SLC2A6: variants seen among roughly 807,000 people sequenced by gnomAD.
The protein encoded by SLC2A6 is solute carrier family 2 member 6, also known as solute carrier family 2, facilitated glucose transporter member 6.
SLC2A6 carries 39 observed loss-of-function variants against 47.8 expected under a neutral mutation model. The ratio of observed to expected loss-of-function variants is 0.82; its 90% CI spans 0.63 to 1.07. The LOEUF is 1.07. Among genes scored for constraint, SLC2A6 ranks in the 50% least tolerant of loss-of-function variants. The probability of loss-of-function intolerance (pLI) is 0.00; values close to 1 mark genes in which losing one functional copy is unlikely to be tolerated. For synonymous variants in SLC2A6, 346 were observed against 324.1 expected, an observed-to-expected ratio of 1.07 and a Z score of -0.73; for missense variants, 650 against 707.6, an observed-to-expected ratio of 0.92 and a Z score of 0.92.
In SLC2A6 at chr9:133,476,306, C is replaced by T. The variant is rs114152327; in HGVS notation, c.493G>A (p.Val165Ile). The change falls in exon 4 of 10, where the codon GTT becomes ATT. Residue 165 changes from valine to isoleucine, a missense_variant. Transcript: ENST00000371899. ...VYVSEIAPPG[V>I]RGALGATPQL... ...GGTGTGGCCCCCAGAGCCCCACGAA[C>T]GCCTGGGGGAGCAATCTCAGACACG... The T allele has an allele frequency of 1.6e-5, 25 of 1,612,874 alleles. No individual in the cohort carries two copies. The highest frequency in any genetic ancestry group is 3.3e-4 in the Middle Eastern group (2 of 6,082).
At chr9:133,473,887 A>G (rs782290799) in intron 7 of SLC2A6, 93 bp downstream of exon 7, 62 of 1,043,912 alleles carry the variant, frequency 5.9e-5, no homozygotes, top group Non-Finnish European at 8.0e-5. Flanking sequence ...GTTCCCAGCC[A>G]CACAGCCCCA....
chr9:133,472,279 C>T, intron 9 of SLC2A6, 103 bp from the exon 10 acceptor site: 1 of 1,350,140 alleles, frequency 7.4e-7, no homozygotes, highest in South Asian at 1.3e-5. Flanking sequence ...CCTGTGGGGC[C>T]TTCATCTGGT....
In SLC2A6 at chr9:133,477,188, G is replaced by A. The variant is rs116088164; in HGVS notation, c.309C>T (p.Asn103=). 2.5e-5 allele frequency: 38 copies of A among 1,550,818 alleles called. No homozygotes were observed. Among genetic ancestry groups the A allele is most frequent in the African/African-American group, 1.2e-4 (9 of 73,194 alleles). The part of the protein sequence containing the change: ...AAGGLSAMIL[N]DLLGRKLSIM... ...TGCTCAGCTTCCGGCCCAGGAGGTC[G>A]TTGAGGATCATGGCACTCAGGCCTC... The change falls in exon 3 of 10, where the codon AAC becomes AAT. Residue 103 remains asparagine (N), a synonymous_variant. Transcript: ENST00000371899.
Position 133,473,969 on chromosome 9 carries a change from AG to A in SLC2A6, c.1036+10del, listed in dbSNP as rs782820926. 6 of 1,592,124 alleles carry A rather than the reference AG, an allele frequency of 3.8e-6. No homozygotes were observed. The South Asian group carries it at 6.8e-5, about 18-fold the overall frequency. ...GGAGTGGGGCAGGAGGGCTGCCTGC[AG>A]GGTGCTTACCTGAGACGAAGAGCAG... On this transcript the variant is annotated intron_variant, in intron 7 of 9. Transcript: ENST00000371899.
rs587617065 is a variant in SLC2A6 at position 133,472,009 on chromosome 9, G to C, written c.*12C>G. 7 of 1,608,834 alleles carry C rather than the reference G, an allele frequency of 4.4e-6. No homozygotes were observed. The highest frequency in any genetic ancestry group is 1.1e-5 in the South Asian group (1 of 90,984). ...ACTGGGGGTTTGGCCCCCTCCAGGCGGGGACCTTGACCTAGCGCAAGAAGG... is the reference window on the plus strand; with the variant it reads ...ACTGGGGGTTTGGCCCCCTCCAGGCCGGGACCTTGACCTAGCGCAAGAAGG... On this transcript the variant is annotated 3_prime_UTR_variant, in exon 10 of 10. Transcript: ENST00000371899.
chr9:133,478,620 C>T (rs1844052111), intron 1 of SLC2A6: 1 of 623,770 alleles, frequency 1.6e-6, no homozygotes, highest in Non-Finnish European at 2.7e-6. Flanking sequence ...AGTGGCTGAG[C>T]CTCTGGTGCT....
chr9:133,473,116 G>C lies in SLC2A6; in HGVS notation c.1357C>G (p.Leu453Val). The part of the protein sequence containing the change: ...LTAFVLTKSF[L>V]PVVSTFGLQV... ...GGCTGAACACTCACCACCACTGGCA[G>C]GAAGGACTTGGTGAGGACGAAGGCG... Residue 453 changes from leucine to valine, a missense_variant, in exon 9 of 10, where the codon CTG becomes GTG. Leu to Val is a conservative substitution (Grantham distance 32). Coordinates refer to ENST00000371899, the MANE Select transcript of SLC2A6 (RefSeq NM_017585.4). 1 of 1,609,630 alleles carries C rather than the reference G, an allele frequency of 6.2e-7. No homozygotes were observed. The highest frequency in any genetic ancestry group is 2.2e-5 in the East Asian group (1 of 44,704).
chr9:133,478,128 G>A (rs927191884), intron 2 of SLC2A6, 126 bp downstream of exon 2: 4 of 975,018 alleles, frequency 4.1e-6, no homozygotes, highest in Non-Finnish European at 6.1e-6. Context: ...TGGATGGCTG[G>A]GGGAGGGGGG....
intron 5 of SLC2A6, 137 bp downstream of exon 5, chr9:133,475,263 A>T (rs1554802990): frequency 2.9e-6 from 4 of 1,361,660 alleles, no homozygotes; most frequent in Non-Finnish European, 3.9e-6. Context: ...CTCTGGGAAC[A>T]GCCCCCCACC....
At chr9:133,473,688 T>C in intron 7 of SLC2A6, 88 bp from the exon 8 acceptor site, 8 of 1,334,484 alleles carry the variant, frequency 6.0e-6, no homozygotes, top group Non-Finnish European at 8.0e-6. Flanking sequence ...CCCTTGATAC[T>C]TGCGTGGTCC....
chr9:133,472,794 G>C (rs1454401815), intron 9 of SLC2A6, among the ~76,000 whole-genome samples: 1 of 152,190 alleles, frequency 6.6e-6, no homozygotes, highest in Admixed American at 6.5e-5. Flanking sequence ...CGGGAGATGA[G>C]GCACGGTGGG....
At position 133,473,540 on chromosome 9, in the gene SLC2A6, G is replaced by C. The variant is rs781949406; in HGVS notation, c.1097C>G (p.Pro366Arg). ...GCCCGCAGTGCTGTTGGGGCTCAGAGGCCTGGGGCCAAAGTGGATGTACAG... is the reference window on the plus strand; with the variant it reads ...GCCCGCAGTGCTGTTGGGGCTCAGACGCCTGGGGCCAAAGTGGATGTACAG... ...LGLYIHFGPRPLSPNSTAGLE... is the reference protein window; with the variant it reads ...LGLYIHFGPRRLSPNSTAGLE... Residue 366 changes from proline (P) to arginine (R), a missense_variant, in exon 8 of 10, where the codon CCT (proline) becomes CGT (arginine). Coordinates refer to ENST00000371899, the MANE Select transcript of SLC2A6 (RefSeq NM_017585.4). 2 of 1,583,910 alleles carry C rather than the reference G, an allele frequency of 1.3e-6. No homozygotes were observed. Among genetic ancestry groups the C allele is most frequent in the Non-Finnish European group, 1.7e-6 (2 of 1,166,704 alleles).
rs1844054870 is a variant in SLC2A6 at position 133,478,679 on chromosome 9, C to T, written c.93-263G>A. The T allele has an allele frequency of 6.8e-6, 4 of 587,446 alleles. No homozygotes were observed. In the Admixed American group the frequency reaches 9.5e-5, roughly 14 times the overall value. The allele number at this position is 587,446 out of a possible 1,614,324, so 36.4% of individuals were successfully genotyped here. On this transcript the variant is annotated intron_variant, in intron 1 of 9. Transcript: ENST00000371899. Reference sequence around the variant, plus strand: ...GGCTCTGGTTCTGCCCCCAGGGCGGCGGCTGGAGGCTTGCTGTGTGACCTC... The same window carrying T: ...GGCTCTGGTTCTGCCCCCAGGGCGGTGGCTGGAGGCTTGCTGTGTGACCTC...
intron 8 of SLC2A6, 58 bp downstream of exon 8, chr9:133,473,357 A>G: frequency 1.3e-6 from 2 of 1,542,346 alleles, no homozygotes; most frequent in Non-Finnish European, 8.7e-7. Context: ...CCCCAGACAC[A>G]TCACCCATCC....
chr9:133,474,170 A>G, intron 6 of SLC2A6, 82 bp from the exon 7 acceptor site: 1 of 1,145,778 alleles, frequency 8.7e-7, no homozygotes, highest in Non-Finnish European at 1.2e-6. Context: ...CCCGGCAGGC[A>G]TTGCAGGGGC....
intron 3 of SLC2A6, 98 bp from the exon 4 acceptor site, chr9:133,476,434 G>A: frequency 9.7e-7 from 1 of 1,028,320 alleles, no homozygotes; most frequent in Non-Finnish European, 1.5e-6. Flanking sequence ...CCGGAAAGTG[G>A]GAAGTGGAGG....
intron 9 of SLC2A6, among the ~76,000 whole-genome samples, 187 bp downstream of exon 9, chr9:133,472,915 TGAA>T (rs1308005369): frequency 1.3e-5 from 2 of 152,182 alleles, no homozygotes; most frequent in African/African-American, 2.4e-5. Flanking sequence ...TTTCTTATAA[TGAA>T]GAGCGTTTGC....
In SLC2A6 at chr9:133,473,554, G is replaced by C; in HGVS notation, c.1083C>G (p.His361Gln). The C allele has an allele frequency of 1.3e-6, 2 of 1,572,566 alleles. No individual in the cohort carries two copies. Among genetic ancestry groups the C allele is most frequent in the Non-Finnish European group, 1.7e-6 (2 of 1,160,530 alleles). Residue 361 changes from histidine to glutamine, a missense_variant, in exon 8 of 10, where the codon CAC becomes CAG. Transcript: ENST00000371899. ...AANLTLGLYI[H>Q]FGPRPLSPNS... ...TGGGGCTCAGAGGCCTGGGGCCAAA[G>C]TGGATGTACAGCCCCAGAGTCAGGT...
chr9:133,473,720 A>C (rs1588241440), intron 7 of SLC2A6, 120 bp from the exon 8 acceptor site: 1 of 1,074,354 alleles, frequency 9.3e-7, no homozygotes, highest in Admixed American at 3.2e-5. Flanking sequence ...GGGACTAGAG[A>C]CCCCCAGCAG....
Sources: allele counts gnomAD v4.1 joint callset (sites outside exome capture counted in the v4.1 genomes callset), GRCh38; gene constraint gnomAD v4.1.1; transcripts MANE v1.5; gene names NCBI Gene and HGNC (gene_info 2026-07-23, HGNC 2026-07-21).